MTUS2: variants seen among roughly 807,000 people sequenced by gnomAD.
MTUS2 encodes the protein microtubule associated scaffold protein 2, also known as microtubule-associated tumor suppressor candidate 2.
In MTUS2, 40 loss-of-function variants were observed where a neutral mutation model predicts 114.1. That is an observed-to-expected ratio of 0.35 (90% CI 0.27 to 0.46). The LOEUF (loss-of-function observed/expected upper bound fraction) is 0.46, where lower values mean the gene tolerates loss of function less well. MTUS2 is among the 20% of genes least tolerant of loss of function. The pLI is 1.00. For synonymous variants in MTUS2, 688 were observed against 672.0 expected (o/e 1.02, Z -0.37); for missense variants, 1,679 against 1,705.4 (o/e 0.98, Z 0.27).
chr13:29,432,615 C>T lies in MTUS2; in HGVS notation c.3118-7368C>T, dbSNP rs376495589. Among the ~76,000 whole-genome samples the T allele has an allele frequency of 3.7e-4, 56 of 152,300 alleles. 1 individual carries two copies. The highest frequency in any genetic ancestry group is 1.3e-3 in the African/African-American group (55 of 41,568). On this transcript the variant is annotated intron_variant, in intron 8 of 15. Coordinates refer to ENST00000612955, the MANE Select transcript of MTUS2 (RefSeq NM_001033602.4). The stretch of plus-strand genomic sequence containing the variant: ...CTGGTGGCCTCAAAAGCCTTCTGGG[C>T]TCATCTCCCATATCCCCGCTCCCCT...
At chr13:29,092,743 TG>T (rs71190793) in intron 4 of MTUS2, among the ~76,000 whole-genome samples, 45,469 of 151,650 alleles carry the variant, frequency 0.3, 7,173 homozygotes, top group East Asian at 0.6. Context: ...TCATTGGCCA[TG>T]GAGGTCTCTG....
At chr13:29,398,985 C>T (rs1250922945) in intron 8 of MTUS2, among the ~76,000 whole-genome samples, 5 of 151,966 alleles carry the variant, frequency 3.3e-5, no homozygotes, top group East Asian at 1.9e-4. Flanking sequence ...GAATTCAGGG[C>T]GAGTCCGTAC....
intron 5 of MTUS2, among the ~76,000 whole-genome samples, chr13:29,278,000 G>A (rs1168151902): frequency 6.6e-6 from 1 of 152,178 alleles, no homozygotes; most frequent in Non-Finnish European, 1.5e-5. Context: ...TTATGGGTCT[G>A]CCCCAATAAA....
intron 7 of MTUS2, among the ~76,000 whole-genome samples, chr13:29,351,545 C>T (rs1043501550): frequency 1.3e-5 from 2 of 152,128 alleles, no homozygotes; most frequent in Non-Finnish European, 2.9e-5. Flanking sequence ...TACCTGCTGC[C>T]ATCTAGACAC....
rs1871654054 is a variant in MTUS2 at position 29,375,630 on chromosome 13, TATATATATACAC to T, written c.3117+16159_3117+16170del. Among the ~76,000 whole-genome samples, 11 of 7,216 alleles carry T rather than the reference TATATATATACAC, an allele frequency of 1.5e-3. 3 individuals carry two copies. The highest frequency in any genetic ancestry group is 0.026 in the South Asian group (2 of 78). The allele number at this position is 7,216 out of a possible 152,430, so 4.7% of individuals were successfully genotyped here. A position where few individuals can be genotyped will look rare whatever the true frequency, so the allele number is the denominator to read the frequency against. On this transcript the variant is annotated intron_variant, in intron 8 of 15. Transcript: ENST00000612955. ...ATACGTATATATATATATATATATA[TATATATATACAC>T]ACACCATGAAATACCACTCAGCTAT...
chr13:29,267,312 G>A (rs569821390), intron 5 of MTUS2, among the ~76,000 whole-genome samples: 1 of 152,344 alleles, frequency 6.6e-6, no homozygotes, highest in South Asian at 2.1e-4. Context: ...TCCTCCAAGA[G>A]GTCCTCCCAA....
At chr13:29,452,440 C>T (rs79704002) in intron 9 of MTUS2, among the ~76,000 whole-genome samples, 6,975 of 152,022 alleles carry the variant, frequency 0.046, 200 homozygotes, top group South Asian at 0.064. Flanking sequence ...CAGAGCCTTG[C>T]TCTGTCACCT....
At chr13:28,872,997 G>A (rs1370810592) in intron 2 of MTUS2, among the ~76,000 whole-genome samples, 1 of 152,112 alleles carries the variant, frequency 6.6e-6, no homozygotes, top group East Asian at 1.9e-4. Flanking sequence ...TGACTTCTCA[G>A]GAGAAACAAT....
chr13:29,386,501 C>T (rs926212485), intron 8 of MTUS2, among the ~76,000 whole-genome samples: 1 of 152,150 alleles, frequency 6.6e-6, no homozygotes, highest in African/African-American at 2.4e-5. Flanking sequence ...AGGGGCGATT[C>T]TCACTAAAAT....
At chr13:29,119,556 C>T (rs74041738) in intron 5 of MTUS2, among the ~76,000 whole-genome samples, 4,555 of 152,168 alleles carry the variant, frequency 0.03, 227 homozygotes, top group African/African-American at 0.1. Context: ...TATAAATTAT[C>T]TGATTATGTA....
chr13:28,913,752 T>C lies in MTUS2; in HGVS notation c.-243+73902T>C, dbSNP rs1880587862. Among the ~76,000 whole-genome samples the C allele has an allele frequency of 1.3e-5, 2 of 152,106 alleles. 1 individual carries two copies. Among genetic ancestry groups the C allele is most frequent in the Non-Finnish European group, 2.9e-5 (2 of 67,984 alleles). ...TGTAAATCCATCTGGTCCTGGGCTT[T>C]TTTTTGGTTGGTAGGCTATTTATTA... On this transcript the variant is annotated intron_variant, in intron 2 of 15. Transcript: ENST00000612955.
chr13:29,120,419 A>G (rs940052218), intron 5 of MTUS2, among the ~76,000 whole-genome samples: 2 of 152,046 alleles, frequency 1.3e-5, no homozygotes, highest in Non-Finnish European at 2.9e-5. Context: ...TCAGAACAGT[A>G]TTATGCATGA....
intron 2 of MTUS2, among the ~76,000 whole-genome samples, chr13:29,015,598 C>T (rs1886031905): frequency 6.6e-6 from 1 of 152,134 alleles, no homozygotes; most frequent in African/African-American, 2.4e-5. Flanking sequence ...AGGAATTTAT[C>T]TGAAGGAAGT....
intron 5 of MTUS2, among the ~76,000 whole-genome samples, chr13:29,108,817 A>G (rs934980533): frequency 1.3e-5 from 2 of 152,206 alleles, no homozygotes; most frequent in African/African-American, 4.8e-5. Flanking sequence ...GCTCAGCACT[A>G]CTGCATTATG....
intron 2 of MTUS2, among the ~76,000 whole-genome samples, chr13:28,938,659 T>A (rs2138121796): frequency 6.6e-6 from 1 of 152,264 alleles, no homozygotes; most frequent in African/African-American, 2.4e-5. Context: ...TATGGGATCT[T>A]TTAGTTTTAG....
At chr13:28,951,366 A>G (rs1593326897) in intron 2 of MTUS2, among the ~76,000 whole-genome samples, 1 of 152,108 alleles carries the variant, frequency 6.6e-6, no homozygotes, top group East Asian at 1.9e-4. Context: ...GTCTTTTAAA[A>G]TTTCTTTCAG....
At chr13:29,084,714 T>G (rs546572080) in intron 4 of MTUS2, among the ~76,000 whole-genome samples, 4 of 151,818 alleles carry the variant, frequency 2.6e-5, no homozygotes, top group Non-Finnish European at 5.9e-5. Flanking sequence ...ATTTTTGTAT[T>G]TTTAGTAGAG....
chr13:29,264,063 A>T (rs1046230745), intron 5 of MTUS2, among the ~76,000 whole-genome samples: 1 of 152,226 alleles, frequency 6.6e-6, no homozygotes, highest in Admixed American at 6.5e-5. Context: ...AAAACAAATT[A>T]TCGACTTCCA....
chr13:29,375,537 ACGT>A lies in MTUS2; in HGVS notation c.3117+16065_3117+16067del, dbSNP rs1333601555. Among the ~76,000 whole-genome samples the A allele has an allele frequency of 4.0e-4, 25 of 62,794 alleles. 2 individuals are homozygous for A. The highest frequency in any genetic ancestry group is 1.9e-3 in the African/African-American group (21 of 11,220). The allele number at this position is 62,794 out of a possible 152,430, so 41.2% of individuals were successfully genotyped here. On this transcript the variant is annotated intron_variant, in intron 8 of 15. Transcript: ENST00000612955. ...CTACTATATATATATATATATATAT[ACGT>A]GTATATATATATATATACGTATATA... is the stretch of plus-strand genomic sequence containing the variant.
Sources: allele counts gnomAD v4.1 joint callset (sites outside exome capture counted in the v4.1 genomes callset), GRCh38; gene constraint gnomAD v4.1.1; transcripts MANE v1.5; gene names NCBI Gene and HGNC (gene_info 2026-07-23, HGNC 2026-07-21).